Variants in TRPC1 observed in about 807,000 individuals in gnomAD.
TRPC1 encodes transient receptor potential cation channel subfamily C member 1, also known as short transient receptor potential channel 1.
Under a neutral mutation model 88.2 loss-of-function variants are expected in TRPC1, and 42 were observed. The ratio of observed to expected loss-of-function variants is 0.48; its 90% CI spans 0.37 to 0.62. The LOEUF (loss-of-function observed/expected upper bound fraction) is 0.62. TRPC1 is among the 20% of genes least tolerant of loss of function. The probability of loss-of-function intolerance (pLI) is 0.00; values close to 1 mark genes in which losing one functional copy is unlikely to be tolerated. For missense variants in TRPC1, 699 were observed against 957.3 expected (o/e 0.73, Z 3.56); for synonymous variants, 288 against 331.8 (o/e 0.87, Z 1.43).
intron 5 of TRPC1, among the ~76,000 whole-genome samples, chr3:142,778,407 G>C (rs1187621597): frequency 6.6e-6 from 1 of 151,616 alleles, no homozygotes; most frequent in Non-Finnish European, 1.5e-5. Context: ...TTTCCTTTAG[G>C]GGGGTAAGTT....
At chr3:142,755,453 C>T (rs930575680) in intron 4 of TRPC1, among the ~76,000 whole-genome samples, 6 of 151,980 alleles carry the variant, frequency 3.9e-5, no homozygotes, top group African/African-American at 1.2e-4. Flanking sequence ...TGTGGCTCTT[C>T]GCTACAGTGT....
chr3:142,748,018 C>T (rs561811229), intron 3 of TRPC1, among the ~76,000 whole-genome samples: 1 of 152,226 alleles, frequency 6.6e-6, no homozygotes, highest in South Asian at 2.1e-4. Flanking sequence ...AAACAGACCT[C>T]TAGTTAAATG....
At chr3:142,739,649 G>T (rs1025645525) in intron 2 of TRPC1, among the ~76,000 whole-genome samples, 1 of 152,086 alleles carries the variant, frequency 6.6e-6, no homozygotes, top group South Asian at 2.1e-4. Context: ...ATAGTTAGGG[G>T]ATATCATTAC....
In TRPC1 at chr3:142,776,409, A is replaced by C. The variant is rs1195164873; in HGVS notation, c.633-1223A>C. Among the ~76,000 whole-genome samples, 1 of 152,108 alleles carries C rather than the reference A, an allele frequency of 6.6e-6. No individual in the cohort carries two copies. Among genetic ancestry groups the C allele is most frequent in the Non-Finnish European group, 1.5e-5 (1 of 68,002 alleles). On this transcript the variant is annotated intron_variant, in intron 4 of 12. Transcript: ENST00000476941. The surrounding 1 kb of genome is among the most constrained non-coding windows in gnomAD (Gnocchi z 4.1). ...TTTGTAAATTAAGAATTATATTAAT[A>C]AATGAACTATAGCAAATTTTTCTGG...
chr3:142,774,715 A>AT (rs150744089), intron 4 of TRPC1, among the ~76,000 whole-genome samples: 4,472 of 148,358 alleles, frequency 0.03, 224 homozygotes, highest in African/African-American at 0.1. Flanking sequence ...AGTTTTATGT[A>AT]TTTTTTTTTT....
chr3:142,796,368 CAT>C (rs1206166656), intron 9 of TRPC1, among the ~76,000 whole-genome samples: 1 of 152,116 alleles, frequency 6.6e-6, no homozygotes, highest in Non-Finnish European at 1.5e-5. Flanking sequence ...ATTCAAGTCA[CAT>C]GTTTCAAATG....
chr3:142,749,950 A>T (rs191862121), intron 4 of TRPC1, among the ~76,000 whole-genome samples: 1 of 152,348 alleles, frequency 6.6e-6, no homozygotes, highest in East Asian at 1.9e-4. Flanking sequence ...TAAACGTAAG[A>T]CTTAAAACCG....
intron 9 of TRPC1, chr3:142,793,803 ATT>A: frequency 3.2e-6 from 3 of 939,968 alleles, no homozygotes; most frequent in Non-Finnish European, 3.8e-6. Flanking sequence ...TAAAGGTGAT[ATT>A]TTAAATAAAA....
At chr3:142,741,980 G>T (rs895183953) in intron 2 of TRPC1, among the ~76,000 whole-genome samples, 1 of 152,030 alleles carries the variant, frequency 6.6e-6, no homozygotes, top group Non-Finnish European at 1.5e-5. Context: ...CCAGCCAACA[G>T]GGTGAAACCC....
chr3:142,802,087 T>C, intron 9 of TRPC1, 82 bp from the exon 10 acceptor site: 3 of 982,494 alleles, frequency 3.1e-6, no homozygotes, highest in South Asian at 4.8e-5. Context: ...TTTGTCTTCT[T>C]CCTTTTGTTG....
At chr3:142,789,635 C>T (rs1936236713) in intron 7 of TRPC1, among the ~76,000 whole-genome samples, 1 of 152,092 alleles carries the variant, frequency 6.6e-6, no homozygotes, top group Non-Finnish European at 1.5e-5. Context: ...CTACAGCACT[C>T]TATTCTTTTG....
chr3:142,741,110 T>C (rs1377090328), intron 2 of TRPC1, among the ~76,000 whole-genome samples: 1 of 151,582 alleles, frequency 6.6e-6, no homozygotes, highest in East Asian at 1.9e-4. Flanking sequence ...TAAGTATATA[T>C]TGAAGAGCTT....
intron 1 of TRPC1, among the ~76,000 whole-genome samples, chr3:142,734,895 C>T (rs1171111286): frequency 1.3e-5 from 2 of 152,168 alleles, no homozygotes; most frequent in African/African-American, 4.8e-5. Flanking sequence ...TTATGTGTAG[C>T]ATTCTACTAC....
intron 2 of TRPC1, among the ~76,000 whole-genome samples, chr3:142,737,244 AT>A (rs1934171090): frequency 6.8e-6 from 1 of 146,478 alleles, no homozygotes; most frequent in Admixed American, 6.8e-5. Context: ...AATGAGGCAC[AT>A]TTTTTTTGAG....
At chr3:142,789,493 T>C (rs113799028) in intron 7 of TRPC1, among the ~76,000 whole-genome samples, 31 of 152,346 alleles carry the variant, frequency 2.0e-4, no homozygotes, top group African/African-American at 7.5e-4. Context: ...ATATGGGTAC[T>C]GCATAATTAA....
chr3:142,793,880 T>C, intron 9 of TRPC1: 1 of 985,346 alleles, frequency 1.0e-6, no homozygotes, highest in Non-Finnish European at 1.2e-6. Context: ...CTGATTTGAT[T>C]AGGCTTGTGC....
intron 4 of TRPC1, among the ~76,000 whole-genome samples, chr3:142,763,707 A>G (rs1243453162): frequency 6.6e-6 from 1 of 151,796 alleles, no homozygotes; most frequent in Admixed American, 6.6e-5. Context: ...ACTTACTGCA[A>G]CCATTTTATT....
intron 4 of TRPC1, among the ~76,000 whole-genome samples, chr3:142,759,941 GC>G (rs1176769493): frequency 2.6e-5 from 4 of 152,050 alleles, no homozygotes; most frequent in Non-Finnish European, 5.9e-5. Flanking sequence ...TGCAAGCTCC[GC>G]CTCCTGGGTT....
intron 4 of TRPC1, among the ~76,000 whole-genome samples, chr3:142,764,179 T>G (rs1328443243): frequency 2.0e-5 from 3 of 151,066 alleles, no homozygotes; most frequent in Admixed American, 6.6e-5. Context: ...CACTTTTAGT[T>G]GTCAACTGAT....
Sources: gnomAD v4.1 joint callset for allele counts (sites outside exome capture counted in the v4.1 genomes callset) on GRCh38, gnomAD v4.1.1 for gene constraint, Gnocchi (gnomAD v3.1) non-coding constraint, MANE v1.5 for transcripts, NCBI Gene and HGNC (gene_info 2026-07-23, HGNC 2026-07-21) for gene names.